The following COL4A2 variants were observed in gnomAD, a reference collection of about 807,000 sequenced individuals.
The protein encoded by COL4A2 is collagen type IV alpha 2 chain.
In COL4A2, 99 loss-of-function variants were observed where a neutral mutation model predicts 200.2. The observed-to-expected ratio is 0.49, with a 90% CI of 0.42 to 0.58. COL4A2 has a LOEUF of 0.58. Among genes scored for constraint, COL4A2 ranks in the 20% least tolerant of loss-of-function variants. COL4A2 has a pLI of 0.00. For synonymous variants in COL4A2, 897 were observed against 900.6 expected (o/e 1.00, Z 0.07); for missense variants, 1,950 against 2,314.1 (o/e 0.84, Z 3.23).
At chr13:110,397,040 C>T (rs1879204404) in intron 4 of COL4A2, among the ~76,000 whole-genome samples, 1 of 152,184 alleles carries the variant, frequency 6.6e-6, no homozygotes, top group Admixed American at 6.5e-5. Context: ...TTATTCACAG[C>T]CTGCTACCAT....
chr13:110,383,298 C>T (rs1878561725), intron 4 of COL4A2, among the ~76,000 whole-genome samples: 1 of 152,166 alleles, frequency 6.6e-6, no homozygotes, highest in African/African-American at 2.4e-5. Context: ...TTACAATACT[C>T]TTGGGGGACA....
intron 4 of COL4A2, among the ~76,000 whole-genome samples, chr13:110,367,588 C>A (rs531380742): frequency 2.0e-5 from 3 of 152,332 alleles, no homozygotes; most frequent in East Asian, 3.9e-4. Flanking sequence ...GTCAAGAGAA[C>A]CTTACTATCA....
chr13:110,361,056 A>G (rs1004228590), intron 4 of COL4A2, among the ~76,000 whole-genome samples: 3 of 152,262 alleles, frequency 2.0e-5, no homozygotes, highest in African/African-American at 7.2e-5. Flanking sequence ...ATAAAAGGTA[A>G]GAAAGAGATC....
intron 28 of COL4A2, among the ~76,000 whole-genome samples, chr13:110,471,565 G>A (rs1035215478): frequency 1.4e-4 from 21 of 152,232 alleles, no homozygotes; most frequent in African/African-American, 4.8e-4. Flanking sequence ...CCTGGGTACA[G>A]TTTGTAACAT....
In COL4A2 at chr13:110,478,039, G is replaced by C; in HGVS notation, c.2462G>C (p.Gly821Ala). The change falls in exon 30 of 48, where the codon GGC (glycine) becomes GCC (alanine). Residue 821 changes from glycine (G) to alanine (A), a missense_variant. Transcript: ENST00000360467. ...QGMPGMPGLK[G>A]QPGLPGPSGQ... ...ATGCCTGGGATGCCAGGGCTGAAGG[G>C]CCAGCCAGGCCTCCCAGGACCTTCC... 1 of 1,589,850 alleles carries C rather than the reference G, an allele frequency of 6.3e-7. No homozygotes were observed. Among genetic ancestry groups the C allele is most frequent in the Non-Finnish European group, 8.6e-7 (1 of 1,165,420 alleles).
At chr13:110,466,350 G>A (rs941414317) in intron 26 of COL4A2, among the ~76,000 whole-genome samples, 1 of 152,192 alleles carries the variant, frequency 6.6e-6, no homozygotes. Context: ...GCTGCCAGGA[G>A]GGTCCAGGCA....
chr13:110,321,192 GTGTA>G (rs1885267753), intron 3 of COL4A2, among the ~76,000 whole-genome samples: 1 of 145,836 alleles, frequency 6.9e-6, no homozygotes, highest in Admixed American at 7.0e-5. Context: ...GTGTGTGTGT[GTGTA>G]TGTGTCTGTG....
At chr13:110,423,480 A>T (rs1880339946) in intron 4 of COL4A2, among the ~76,000 whole-genome samples, 1 of 152,106 alleles carries the variant, frequency 6.6e-6, no homozygotes, top group South Asian at 2.1e-4. Context: ...AATAGCAAAT[A>T]CGTGCTGGGC....
chr13:110,503,609 G>A, intron 43 of COL4A2, 128 bp downstream of exon 43: 1 of 724,912 alleles, frequency 1.4e-6, no homozygotes, highest in South Asian at 1.9e-5. Context: ...GAGCAGGGAG[G>A]AAACCAAGGC....
At chr13:110,378,157 CAG>C (rs937361493) in intron 4 of COL4A2, among the ~76,000 whole-genome samples, 1 of 152,206 alleles carries the variant, frequency 6.6e-6, no homozygotes, top group African/African-American at 2.4e-5. Context: ...TCTATCTGAG[CAG>C]AGTTTTCTGC....
intron 4 of COL4A2, among the ~76,000 whole-genome samples, chr13:110,395,705 G>A (rs1280083626): frequency 6.6e-6 from 1 of 152,176 alleles, no homozygotes; most frequent in Non-Finnish European, 1.5e-5. Context: ...AACACTTTAG[G>A]AGGCCGAGGA....
chr13:110,476,479 G>A (rs998687835), intron 29 of COL4A2, among the ~76,000 whole-genome samples: 1 of 152,214 alleles, frequency 6.6e-6, no homozygotes. Flanking sequence ...AGGTTGACGT[G>A]GTCAGACAGT....
At chr13:110,432,473 A>G (rs1030471603) in intron 11 of COL4A2, 113 bp downstream of exon 11, 21 of 1,305,032 alleles carry the variant, frequency 1.6e-5, no homozygotes, top group Non-Finnish European at 2.1e-5. Context: ...TGTTTATATT[A>G]TGATGAAAAC....
At chr13:110,335,274 C>G (rs144200003) in intron 3 of COL4A2, among the ~76,000 whole-genome samples, 3,192 of 152,270 alleles carry the variant, frequency 0.021, 42 homozygotes, top group Non-Finnish European at 0.031. Context: ...TGGTTTGGCT[C>G]TGTCCCCACT....
At chr13:110,334,503 T>A (rs1876078275) in intron 3 of COL4A2, among the ~76,000 whole-genome samples, 1 of 152,170 alleles carries the variant, frequency 6.6e-6, no homozygotes, top group Non-Finnish European at 1.5e-5. Context: ...AAATCCAGGT[T>A]TCGCACTTGG....
Position 110,458,826 on chromosome 13 carries a change from G to A in COL4A2, c.1488G>A (p.Pro496=), listed in dbSNP as rs7990214. ...TEGDEAIKGL[P]GLPGPKGFAG... ...GCGACGAAGCTATCAAAGGTCTTCC[G>A]GGACTGCCAGGACCCAAGGGCTTCG... is the stretch of plus-strand genomic sequence containing the variant. Residue 496 remains proline (P), a synonymous_variant, in exon 22 of 48, where the codon CCG becomes CCA. Transcript: ENST00000360467. 927,898 of 1,613,380 alleles carry A rather than the reference G, an allele frequency of 0.58. 273,917 individuals carry two copies. Among genetic ancestry groups the A allele is most frequent in the Middle Eastern group, 0.68 (4,093 of 6,056 alleles).
rs948518756 is a variant in COL4A2, at chr13:110,495,253, T to G, written c.3635-89T>G. ...ATGGCTGCCTCTGTTTCTTTGCTTTTGAGGCACCCCAAGCTGTTCTTTCAC... is the reference window on the plus strand; with the variant it reads ...ATGGCTGCCTCTGTTTCTTTGCTTTGGAGGCACCCCAAGCTGTTCTTTCAC... On this transcript the variant is annotated intron_variant, in intron 39 of 47. Transcript: ENST00000360467. 2.9e-5 allele frequency: 44 copies of G among 1,512,122 alleles called. 1 individual carries two copies. In the South Asian group the frequency reaches 4.7e-4, roughly 16 times the overall value. The allele number at this position is 1,512,122 out of a possible 1,614,324, so 93.7% of individuals were successfully genotyped here.
At chr13:110,450,813 A>T (rs973583920) in intron 20 of COL4A2, among the ~76,000 whole-genome samples, 11 of 152,174 alleles carry the variant, frequency 7.2e-5, no homozygotes, top group African/African-American at 2.4e-4. Context: ...TGTCGGGGTG[A>T]TACATTCCAC....
intron 4 of COL4A2, among the ~76,000 whole-genome samples, chr13:110,395,006 G>A (rs1007735404): frequency 2.6e-5 from 4 of 152,336 alleles, no homozygotes; most frequent in African/African-American, 4.8e-5. Context: ...GGTGCAGCAC[G>A]TCTCCGGGGA....
Sources: gnomAD v4.1 joint callset for allele counts (sites outside exome capture counted in the v4.1 genomes callset) on GRCh38, gnomAD v4.1.1 for gene constraint, MANE v1.5 for transcripts, NCBI Gene and HGNC (gene_info 2026-07-23, HGNC 2026-07-21) for gene names.